Variants in OAS3 observed in about 807,000 individuals in gnomAD.
OAS3 encodes the protein 2'-5'-oligoadenylate synthase 3.
In OAS3, 107 loss-of-function variants were observed where a neutral mutation model predicts 113.0. The observed-to-expected ratio is 0.95, with a 90% CI of 0.81 to 1.11. OAS3 has a LOEUF of 1.11. OAS3 is among the 50% of genes most tolerant of loss of function. The pLI is 0.00. For synonymous variants in OAS3, 552 were observed against 573.6 expected (o/e 0.96, Z 0.54); for missense variants, 1,258 against 1,389.1 (o/e 0.91, Z 1.50).
chr12:112,964,692 C>T (rs927161874), intron 11 of OAS3, among the ~76,000 whole-genome samples: 2 of 151,976 alleles, frequency 1.3e-5, no homozygotes, highest in Non-Finnish European at 2.9e-5. Flanking sequence ...ACCGGCATAG[C>T]TAGATCCAGG....
chr12:112,949,948 G>A (rs2043774031), intron 6 of OAS3, among the ~76,000 whole-genome samples: 1 of 152,244 alleles, frequency 6.6e-6, no homozygotes, highest in Non-Finnish European at 1.5e-5. Context: ...GAACCCGGGA[G>A]GCGGAGGTTG....
At chr12:112,943,717 T>C (rs180841394) in intron 2 of OAS3, among the ~76,000 whole-genome samples, 8 of 152,034 alleles carry the variant, frequency 5.3e-5, no homozygotes, top group Non-Finnish European at 1.0e-4. Flanking sequence ...GTAAAAAAAA[T>C]ATATATTTTT....
Position 112,961,141 on chromosome 12 carries a change from G to A in OAS3, c.1728G>A (p.Glu576=), listed in dbSNP as rs2043880055. 2 of 1,613,848 alleles carry A rather than the reference G, an allele frequency of 1.2e-6. No homozygotes were observed. Among genetic ancestry groups the A allele is most frequent in the African/African-American group, 1.3e-5 (1 of 74,916 alleles). Residue 576 remains glutamate (E), a synonymous_variant, in exon 8 of 16, where the codon GAG becomes GAA. Transcript: ENST00000228928. ...YSRLLTSGCQ[E]GEHKACFAEL... ...GGCTCCTCACCAGTGGCTGCCAGGA[G>A]GGCGAGCATAAGGCCTGCTTCGCAG...
Position 112,967,473 on chromosome 12 carries a change from C to T in OAS3, c.2745C>T (p.His915=). The T allele has an allele frequency of 6.2e-7, 1 of 1,613,726 alleles. No homozygotes were observed. The highest frequency in any genetic ancestry group is 8.5e-7 in the Non-Finnish European group (1 of 1,179,798). ...CTCAAGTCTACGTCGACCTCATCCA[C>T]AGCTACAGCAATGCGGGCGAGTACT... ...PSSQVYVDLI[H]SYSNAGEYST... Residue 915 remains histidine, a synonymous_variant, in exon 13 of 16, where the codon CAC becomes CAT. Transcript: ENST00000228928.
chr12:112,967,452 A>G lies in OAS3; in HGVS notation c.2724A>G (p.Gln908=), dbSNP rs1593186065. 1.2e-6 allele frequency: 2 copies of G among 1,613,466 alleles called. No homozygotes were observed. The highest frequency in any genetic ancestry group is 1.7e-6 in the Non-Finnish European group (2 of 1,179,732). Residue 908 remains glutamine (Q), a synonymous_variant, in exon 13 of 16, where the codon CAA becomes CAG. Transcript: ENST00000228928. ...TCTCTGGCTCCAGGCCCAGCTCTCA[A>G]GTCTACGTCGACCTCATCCACAGCT... ...QLVSGSRPSS[Q]VYVDLIHSYS...
At chr12:112,965,681 A>C in intron 11 of OAS3, 63 bp from the exon 12 acceptor site, 1 of 1,486,576 alleles carries the variant, frequency 6.7e-7, no homozygotes, top group Non-Finnish European at 9.0e-7. Context: ...TCTAACTCAC[A>C]GTCCAGAACC....
rs1476501167 is a variant in OAS3 at position 112,964,346 on chromosome 12, T to C, written c.2341T>C (p.Cys781Arg). 3 of 1,612,208 alleles carry C rather than the reference T, an allele frequency of 1.9e-6. No individual in the cohort carries two copies. Among genetic ancestry groups the C allele is most frequent in the Non-Finnish European group, 2.5e-6 (3 of 1,179,226 alleles). The change falls in exon 11 of 16, where the codon TGT (cysteine) becomes CGT (arginine). Residue 781 changes from cysteine (C) to arginine (R), a missense_variant. Transcript: ENST00000228928. ...GGTGAACAAGGCCGTTGATACCATC[T>C]GTTCATTTTTGAAGGAAAACTGCTT... Reference protein sequence around the residue: ...AQVNKAVDTICSFLKENCFRN... With the variant: ...AQVNKAVDTIRSFLKENCFRN...
intron 14 of OAS3, among the ~76,000 whole-genome samples, chr12:112,968,608 G>A (rs561480182): frequency 4.2e-3 from 640 of 152,196 alleles, no homozygotes; most frequent in Non-Finnish European, 6.4e-3. Flanking sequence ...TCCGCCTCCC[G>A]GGTTCAAGCA....
rs192059344 is a variant in OAS3, at chr12:112,954,242, G to A, written c.1657+3267G>A. 2.6e-4 allele frequency among the ~76,000 whole-genome samples: 40 copies of A among 152,262 alleles called. No homozygotes were observed. The East Asian group carries it at 7.7e-3, about 29-fold the overall frequency. On this transcript the variant is annotated intron_variant, in intron 7 of 15. Transcript: ENST00000228928. The surrounding 1 kb of genome is among the most constrained non-coding windows in gnomAD (Gnocchi z 4.0). ...TTTTCCCAGCACTATTTATTAAATAGGGAATCCTTTCCCCATTTCTTGTTT... is the reference window on the plus strand; with the variant it reads ...TTTTCCCAGCACTATTTATTAAATAAGGAATCCTTTCCCCATTTCTTGTTT...
rs377262638 is a variant in OAS3 at position 112,970,033 on chromosome 12, G to A, written c.*60G>A. The A allele has an allele frequency of 6.3e-7, 1 of 1,585,190 alleles. No homozygotes were observed. The highest frequency in any genetic ancestry group is 8.6e-7 in the Non-Finnish European group (1 of 1,163,474). On this transcript the variant is annotated 3_prime_UTR_variant, in exon 16 of 16. Transcript: ENST00000228928. ...GAAGATGGACACCAGCCCTCAGCAT[G>A]AGGAAATTCAGGGTCCCCTACCAGA...
chr12:112,950,254 C>T (rs924387603), intron 6 of OAS3, among the ~76,000 whole-genome samples: 1 of 151,968 alleles, frequency 6.6e-6, no homozygotes, highest in Non-Finnish European at 1.5e-5. Context: ...GTGTGATATC[C>T]CGTGTGAAGG....
rs1038110913 is a variant in OAS3 at position 112,972,463 on chromosome 12, T to C, written c.*2490T>C. ...GTTCTCCCTGAGTTGATTGATAGGCTTAATGGTCACCCTAAAAACACCCAC... is the reference window on the plus strand; with the variant it reads ...GTTCTCCCTGAGTTGATTGATAGGCCTAATGGTCACCCTAAAAACACCCAC... On this transcript the variant is annotated 3_prime_UTR_variant, in exon 16 of 16. Transcript: ENST00000228928. 2.0e-5 allele frequency: 3 copies of C among 152,182 alleles called. No individual in the cohort carries two copies. Among genetic ancestry groups the C allele is most frequent in the Non-Finnish European group, 4.4e-5 (3 of 68,050 alleles). 9.4% of individuals were successfully genotyped at this position (152,182 alleles called of 1,614,324 possible). A position where few individuals can be genotyped will look rare whatever the true frequency, so the allele number is the denominator to read the frequency against.
At position 112,970,572 on chromosome 12, in the gene OAS3, G is replaced by A; in HGVS notation, c.*599G>A. On this transcript the variant is annotated 3_prime_UTR_variant, in exon 16 of 16. Coordinates refer to ENST00000228928, the MANE Select transcript of OAS3 (RefSeq NM_006187.4). ...GCCATGGATGCAGTAGAGGAAAGTG[G>A]TGGTACAAGTGCCATGATTGATTAG... 6.3e-6 allele frequency: 1 copy of A among 159,182 alleles called. No homozygotes were observed. The highest frequency in any genetic ancestry group is 1.9e-4 in the South Asian group (1 of 5,326). 9.9% of individuals were successfully genotyped at this position (159,182 alleles called of 1,614,324 possible).
chr12:112,968,061 G>C lies in OAS3; in HGVS notation c.2991G>C (p.Thr997=). ...TCAACATGGCTGAGGGCTTCCGCAC[G>C]GTCCTGGAGCTGGTCACCCAGTACC... ...SQFNMAEGFR[T]VLELVTQYRQ... is the part of the protein sequence containing the mutation. The change falls in exon 14 of 16, where the codon ACG becomes ACC. Residue 997 remains threonine, a synonymous_variant. Coordinates refer to ENST00000228928, the MANE Select transcript of OAS3 (RefSeq NM_006187.4). The C allele has an allele frequency of 6.2e-7, 1 of 1,614,010 alleles. No individual in the cohort carries two copies. The highest frequency in any genetic ancestry group is 2.2e-5 in the East Asian group (1 of 44,886).
chr12:112,973,081 A>G lies in OAS3; in HGVS notation c.*3108A>G, dbSNP rs915659946. Reference sequence around the variant, plus strand: ...ATAACTAGAGCCATATCACAGATGCATTCATCATAATAATTCCAGACATTT... The same window carrying G: ...ATAACTAGAGCCATATCACAGATGCGTTCATCATAATAATTCCAGACATTT... On this transcript the variant is annotated 3_prime_UTR_variant, in exon 16 of 16. Coordinates refer to ENST00000228928, the MANE Select transcript of OAS3 (RefSeq NM_006187.4). The G allele has an allele frequency of 6.6e-6, 1 of 152,196 alleles. No homozygotes were observed. Among genetic ancestry groups the G allele is most frequent in the Non-Finnish European group, 1.5e-5 (1 of 68,052 alleles). 9.4% of individuals were successfully genotyped at this position (152,196 alleles called of 1,614,324 possible). A position where few individuals can be genotyped will look rare whatever the true frequency, so the allele number is the denominator to read the frequency against.
intron 7 of OAS3, among the ~76,000 whole-genome samples, chr12:112,960,127 T>C (rs1376901600): frequency 6.6e-6 from 1 of 152,150 alleles, no homozygotes. Context: ...TGGAAGTTCC[T>C]TGTGCCCTGG....
At position 112,941,717 on chromosome 12, in the gene OAS3, T is replaced by C; in HGVS notation, c.325T>C (p.Trp109Arg). The C allele has an allele frequency of 6.2e-7, 1 of 1,614,046 alleles. No individual in the cohort carries two copies. Among genetic ancestry groups the C allele is most frequent in the South Asian group, 1.1e-5 (1 of 91,090 alleles). ...SEMRASLESWWQNPVPGLRLT... is the reference protein window; with the variant it reads ...SEMRASLESWRQNPVPGLRLT... ...GATGCGGGCATCGCTGGAATCCTGG[T>C]GGCAGAACCCAGTCCCTGGTCTGAG... The change falls in exon 2 of 16, where the codon TGG becomes CGG. Residue 109 changes from tryptophan to arginine, a missense_variant. Transcript: ENST00000228928.
At chr12:112,947,906 T>C (rs763053033) in intron 4 of OAS3, 40 bp from the exon 5 acceptor site, 1 of 1,533,096 alleles carries the variant, frequency 6.5e-7, no homozygotes, top group Non-Finnish European at 8.8e-7. Context: ...TCCAGAGCCC[T>C]CTTGCTAACC....
rs1479821153 is a variant in OAS3 at position 112,972,575 on chromosome 12, GAA to G, written c.*2603_*2604del. 6.6e-6 allele frequency: 1 copy of G among 152,246 alleles called. No homozygotes were observed. Among genetic ancestry groups the G allele is most frequent in the Non-Finnish European group, 1.5e-5 (1 of 68,060 alleles). 9.4% of individuals were successfully genotyped at this position (152,246 alleles called of 1,614,324 possible). On this transcript the variant is annotated 3_prime_UTR_variant, in exon 16 of 16. Coordinates refer to ENST00000228928, the MANE Select transcript of OAS3 (RefSeq NM_006187.4). ...CAATAGCTAGGAAAACACAGGGAAA[GAA>G]GAGTTCTGAGCAGGGCCTAGTCTTA... is the stretch of plus-strand genomic sequence containing the variant.
Sources: allele counts gnomAD v4.1 joint callset (sites outside exome capture counted in the v4.1 genomes callset), GRCh38; gene constraint gnomAD v4.1.1; non-coding constraint Gnocchi (gnomAD v3.1); transcripts MANE v1.5; gene names NCBI Gene and HGNC (gene_info 2026-07-23, HGNC 2026-07-21).